ASAP2: variants seen among roughly 807,000 people sequenced by gnomAD.
ASAP2 encodes ArfGAP with SH3 domain, ankyrin repeat and PH domain 2, also known as arf-GAP with SH3 domain, ANK repeat and PH domain-containing protein 2.
In ASAP2, 45 loss-of-function variants were observed where a neutral mutation model predicts 131.4. The observed-to-expected ratio is 0.34, with a 90% CI of 0.27 to 0.44. ASAP2 has a LOEUF of 0.44. Ranked by LOEUF, ASAP2 falls within the 20% of genes least tolerant of loss-of-function variation. ASAP2 has a pLI of 1.00. For synonymous variants in ASAP2, 510 were observed against 503.0 expected (o/e 1.01, Z -0.19); for missense variants, 1,011 against 1,297.0 (o/e 0.78, Z 3.39).
At chr2:9,284,650 A>G (rs1667351621) in intron 2 of ASAP2, among the ~76,000 whole-genome samples, 2 of 152,214 alleles carry the variant, frequency 1.3e-5, no homozygotes, top group Non-Finnish European at 2.9e-5. Flanking sequence ...CTGGACATAC[A>G]CGTGGTAAGT....
At chr2:9,240,785 C>T (rs1663907126) in intron 1 of ASAP2, among the ~76,000 whole-genome samples, 1 of 152,116 alleles carries the variant, frequency 6.6e-6, no homozygotes, top group African/African-American at 2.4e-5. Context: ...ATGATTTCTC[C>T]TTGGCATATC....
intron 1 of ASAP2, among the ~76,000 whole-genome samples, chr2:9,243,371 G>A (rs925057105): frequency 6.6e-6 from 1 of 152,208 alleles, no homozygotes; most frequent in Non-Finnish European, 1.5e-5. Context: ...GCCTCGCAAA[G>A]TGCTGGGATT....
rs754650356 is a variant in ASAP2, at chr2:9,335,155, C to T, written c.825C>T (p.Ser275=). ...TACAGCTTCGAGATATTTTGAAATCCGCATTGCAGGTTGAACAGAAAGAGG... is the reference window on the plus strand; with the variant it reads ...TACAGCTTCGAGATATTTTGAAATCTGCATTGCAGGTTGAACAGAAAGAGG... ...QLIQLRDILK[S]ALQVEQKEDS... Residue 275 remains serine, a synonymous_variant, in exon 9 of 28, where the codon TCC becomes TCT. Coordinates refer to ENST00000281419, the MANE Select transcript of ASAP2 (RefSeq NM_003887.3). 1.2e-5 allele frequency: 19 copies of T among 1,614,016 alleles called. No homozygotes were observed. The African/African-American group carries it at 1.6e-4, about 14-fold the overall frequency.
At chr2:9,238,116 TACTA>T (rs2148058417) in intron 1 of ASAP2, among the ~76,000 whole-genome samples, 1 of 152,334 alleles carries the variant, frequency 6.6e-6, no homozygotes, top group East Asian at 1.9e-4. Context: ...GGTGAGCACT[TACTA>T]ACACTGTTAG....
At chr2:9,365,465 A>G (rs1356731570) in intron 15 of ASAP2, among the ~76,000 whole-genome samples, 1 of 152,222 alleles carries the variant, frequency 6.6e-6, no homozygotes, top group Non-Finnish European at 1.5e-5. Flanking sequence ...GGAGACATGA[A>G]AACAGGACAG....
intron 1 of ASAP2, among the ~76,000 whole-genome samples, chr2:9,221,828 T>G (rs1013038949): frequency 6.6e-6 from 1 of 152,240 alleles, no homozygotes; most frequent in African/African-American, 2.4e-5. Flanking sequence ...GGAGTCTCGC[T>G]CTGTCGCCCA....
At chr2:9,288,774 A>G (rs1667621199) in intron 2 of ASAP2, among the ~76,000 whole-genome samples, 1 of 152,024 alleles carries the variant, frequency 6.6e-6, no homozygotes, top group East Asian at 1.9e-4. Context: ...GAGCCCTGCA[A>G]GTTTTTTAGT....
Position 9,405,121 on chromosome 2 carries a change from T to G in ASAP2, c.*1794T>G, listed in dbSNP as rs1677103826. On this transcript the variant is annotated 3_prime_UTR_variant, in exon 28 of 28. Transcript: ENST00000281419. ...CATTAGAACTCCAGTCCCAAACTAA[T>G]CTGTCAGGTTCACTGGTACATAAAT... 6.6e-6 allele frequency: 1 copy of G among 152,330 alleles called. No homozygotes were observed. Among genetic ancestry groups the G allele is most frequent in the South Asian group, 2.1e-4 (1 of 4,826 alleles). 9.4% of individuals were successfully genotyped at this position (152,330 alleles called of 1,614,324 possible). A position where few individuals can be genotyped will look rare whatever the true frequency, so the allele number is the denominator to read the frequency against.
At chr2:9,319,850 A>G (rs1308772290) in intron 4 of ASAP2, among the ~76,000 whole-genome samples, 1 of 152,160 alleles carries the variant, frequency 6.6e-6, no homozygotes, top group Admixed American at 6.5e-5. Flanking sequence ...CGGCCTTTCT[A>G]TTTCTGTCGT....
rs1662153944 is a variant in ASAP2, at chr2:9,217,761, C to T, written c.126+10531C>T. Among the ~76,000 whole-genome samples the T allele has an allele frequency of 6.6e-6, 1 of 152,008 alleles. No homozygotes were observed. Among genetic ancestry groups the T allele is most frequent in the East Asian group, 1.9e-4 (1 of 5,152 alleles). ...TCCCGAGTAGCTGGGACTACAGGCG[C>T]CTGCCACCACGCCCGGCTAATTTTT... On this transcript the variant is annotated intron_variant, in intron 1 of 27. Transcript: ENST00000281419. The surrounding 1 kb of genome is among the most constrained non-coding windows in gnomAD (Gnocchi z 4.0).
At chr2:9,274,046 C>A (rs1387640093) in intron 1 of ASAP2, among the ~76,000 whole-genome samples, 1 of 152,214 alleles carries the variant, frequency 6.6e-6, no homozygotes. Flanking sequence ...AGGTTAGAAA[C>A]AGGATGGAGT....
chr2:9,400,874 G>A (rs761161090), intron 26 of ASAP2, 44 bp downstream of exon 26: 2 of 1,578,546 alleles, frequency 1.3e-6, no homozygotes, highest in Non-Finnish European at 1.7e-6. Flanking sequence ...TCTAGCCAGG[G>A]GGGTGCAGGT....
chr2:9,283,470 C>T (rs959394060), intron 2 of ASAP2, among the ~76,000 whole-genome samples: 6 of 152,184 alleles, frequency 3.9e-5, no homozygotes, highest in African/African-American at 7.2e-5. Context: ...AAGATGTTAA[C>T]AGGGCTCCTT....
Position 9,281,159 on chromosome 2 carries a change from T to G in ASAP2, c.199+1770T>G, listed in dbSNP as rs1667108163. 6.6e-6 allele frequency among the ~76,000 whole-genome samples: 1 copy of G among 152,166 alleles called. No individual in the cohort carries two copies. Among genetic ancestry groups the G allele is most frequent in the African/African-American group, 2.4e-5 (1 of 41,432 alleles). Reference sequence around the variant, plus strand: ...AAGATTTTTTTTTTTTTTACTGCGTTCACTTGGACTTTTTGAGTTTATAAC... The same window carrying G: ...AAGATTTTTTTTTTTTTTACTGCGTGCACTTGGACTTTTTGAGTTTATAAC... On this transcript the variant is annotated intron_variant, in intron 2 of 27. Coordinates refer to ENST00000281419, the MANE Select transcript of ASAP2 (RefSeq NM_003887.3). This position sits in a 1 kb window ranked among gnomAD's most constrained non-coding sequence, Gnocchi z 4.0.
intron 3 of ASAP2, among the ~76,000 whole-genome samples, chr2:9,315,046 A>T (rs565634962): frequency 6.6e-6 from 1 of 152,264 alleles, no homozygotes; most frequent in Admixed American, 6.5e-5. Context: ...ATGGATGAGA[A>T]GGCTTTGAAC....
chr2:9,257,282 A>G (rs1368303215), intron 1 of ASAP2, among the ~76,000 whole-genome samples: 1 of 142,212 alleles, frequency 7.0e-6, no homozygotes, highest in African/African-American at 2.8e-5. Context: ...GGAAATTTGA[A>G]GTCTGAAAGC....
At chr2:9,218,365 G>T (rs1572182245) in intron 1 of ASAP2, among the ~76,000 whole-genome samples, 1 of 152,202 alleles carries the variant, frequency 6.6e-6, no homozygotes. Context: ...TGACCAATTG[G>T]CCTCCTTAGA....
At chr2:9,288,581 A>C (rs1405323446) in intron 2 of ASAP2, among the ~76,000 whole-genome samples, 2 of 152,206 alleles carry the variant, frequency 1.3e-5, no homozygotes, top group Admixed American at 1.3e-4. Context: ...GGCAAAATGC[A>C]CATTCTGTAA....
intron 1 of ASAP2, among the ~76,000 whole-genome samples, chr2:9,265,713 G>A (rs1020325983): frequency 6.7e-6 from 1 of 150,204 alleles, no homozygotes; most frequent in Non-Finnish European, 1.5e-5. Context: ...TTTACAATTT[G>A]TGTGTGTGTG....
Sources: gnomAD v4.1 joint callset for allele counts (sites outside exome capture counted in the v4.1 genomes callset) on GRCh38, gnomAD v4.1.1 for gene constraint, Gnocchi (gnomAD v3.1) non-coding constraint, MANE v1.5 for transcripts, NCBI Gene and HGNC (gene_info 2026-07-23, HGNC 2026-07-21) for gene names.